The following HTR4 variants were observed in gnomAD, a reference collection of about 807,000 sequenced individuals.
HTR4 encodes the protein 5-hydroxytryptamine receptor 4.
HTR4 carries 16 observed loss-of-function variants against 36.8 expected under a neutral mutation model. The ratio of observed to expected loss-of-function variants is 0.43; its 90% CI spans 0.29 to 0.66. The LOEUF (loss-of-function observed/expected upper bound fraction) is 0.66. Among genes scored for constraint, HTR4 ranks in the 30% least tolerant of loss-of-function variants. The pLI is 0.13. For missense variants in HTR4, 438 were observed against 490.9 expected (o/e 0.89, Z 1.02); for synonymous variants, 189 against 185.1 (o/e 1.02, Z -0.17).
At chr5:148,456,733 G>A (rs1755110658) in intron 5 of HTR4, among the ~76,000 whole-genome samples, 1 of 152,226 alleles carries the variant, frequency 6.6e-6, no homozygotes, top group African/African-American at 2.4e-5. Flanking sequence ...TAAGAATACA[G>A]GTTCTTGAGG....
At chr5:148,529,534 C>T (rs1758450965) in intron 4 of HTR4, among the ~76,000 whole-genome samples, 1 of 152,188 alleles carries the variant, frequency 6.6e-6, no homozygotes, top group Non-Finnish European at 1.5e-5. Context: ...TGAGGCTTCC[C>T]CATCCACATT....
chr5:148,643,133 T>A (rs1753778523), intron 1 of HTR4, among the ~76,000 whole-genome samples: 1 of 152,202 alleles, frequency 6.6e-6, no homozygotes, highest in Non-Finnish European at 1.5e-5. Context: ...ATAATTGAAA[T>A]ACACCTATAC....
chr5:148,633,007 C>T (rs546051103), intron 2 of HTR4, among the ~76,000 whole-genome samples: 1 of 151,984 alleles, frequency 6.6e-6, no homozygotes, highest in South Asian at 2.1e-4. Flanking sequence ...TTTCTTCAAC[C>T]CTTCAAAAAA....
At chr5:148,483,790 A>G (rs1456011526) in intron 6 of HTR4, among the ~76,000 whole-genome samples, 1 of 152,132 alleles carries the variant, frequency 6.6e-6, no homozygotes, top group African/African-American at 2.4e-5. Context: ...GTTTATTTCT[A>G]TTAATGTAGT....
intron 6 of HTR4, among the ~76,000 whole-genome samples, chr5:148,496,794 A>T (rs1036343703): frequency 3.9e-5 from 6 of 152,248 alleles, no homozygotes; most frequent in African/African-American, 1.4e-4. Context: ...TCAGCTCCTG[A>T]TAAACCTTGT....
intron 2 of HTR4, among the ~76,000 whole-genome samples, chr5:148,556,825 A>T (rs1479009031): frequency 6.6e-6 from 1 of 152,182 alleles, no homozygotes; most frequent in Non-Finnish European, 1.5e-5. Flanking sequence ...TAAACATGAC[A>T]TTATGATAGA....
intron 2 of HTR4, among the ~76,000 whole-genome samples, chr5:148,564,885 G>A (rs1211640020): frequency 6.6e-6 from 1 of 152,118 alleles, no homozygotes; most frequent in Admixed American, 6.5e-5. Context: ...GCCGAGGTGG[G>A]TGGATCATAA....
At chr5:148,599,953 G>A (rs1265978560) in intron 2 of HTR4, among the ~76,000 whole-genome samples, 1 of 151,236 alleles carries the variant, frequency 6.6e-6, no homozygotes, top group Non-Finnish European at 1.5e-5. Flanking sequence ...ATCAATAAAG[G>A]AGAAAAAGCA....
rs771053396 is a variant in HTR4, at chr5:148,509,776, C to T, written c.756G>A (p.Arg252=). Residue 252 remains arginine (R), a synonymous_variant, in exon 6 of 7, where the codon AGG becomes AGA. Transcript: ENST00000377888. ...GGGTCTTGGCTGCTTTGGTCTCTGTCCTCATGCGATGAGTGCTATGCTGGT... is the reference window on the plus strand; with the variant it reads ...GGGTCTTGGCTGCTTTGGTCTCTGTTCTCATGCGATGAGTGCTATGCTGGT... ...SADQHSTHRM[R]TETKAAKTLC... is the part of the protein sequence containing the mutation. The T allele has an allele frequency of 2.5e-6, 4 of 1,614,024 alleles. No homozygotes were observed. Among genetic ancestry groups the T allele is most frequent in the Non-Finnish European group, 2.5e-6 (3 of 1,179,992 alleles).
intron 4 of HTR4, among the ~76,000 whole-genome samples, chr5:148,536,570 G>GA (rs925601374): frequency 6.6e-6 from 1 of 151,758 alleles, no homozygotes; most frequent in Non-Finnish European, 1.5e-5. Context: ...ATGGAAAACA[G>GA]AAAAAAACAG....
chr5:148,597,538 C>CAGTGTTCCAGCCATA (rs1761826640), intron 2 of HTR4, among the ~76,000 whole-genome samples: 1 of 152,132 alleles, frequency 6.6e-6, no homozygotes, highest in South Asian at 2.1e-4. Flanking sequence ...GTGCCCTTTA[C>CAGTGTTCCAGCCATA]TGTCTGTGTT....
chr5:148,539,709 A>G (rs1759011038), intron 4 of HTR4, among the ~76,000 whole-genome samples: 1 of 152,356 alleles, frequency 6.6e-6, no homozygotes, highest in African/African-American at 2.4e-5. Context: ...ATTATTGAAA[A>G]GTCAAAAAAT....
intron 2 of HTR4, among the ~76,000 whole-genome samples, chr5:148,591,069 C>A (rs548946699): frequency 1.1e-4 from 16 of 152,282 alleles, no homozygotes; most frequent in African/African-American, 3.6e-4. Flanking sequence ...ATTCCAGCAC[C>A]ATTTGTTGAA....
At chr5:148,585,556 T>C (rs914832297) in intron 2 of HTR4, among the ~76,000 whole-genome samples, 6 of 152,172 alleles carry the variant, frequency 3.9e-5, no homozygotes, top group African/African-American at 9.7e-5. Context: ...ATTTATCTTA[T>C]AGTGGGGGCA....
intron 2 of HTR4, among the ~76,000 whole-genome samples, chr5:148,585,908 A>G (rs566611769): frequency 3.9e-5 from 6 of 152,196 alleles, no homozygotes; most frequent in African/African-American, 1.4e-4. Flanking sequence ...AACATGTCAA[A>G]CTTGCTCCTT....
chr5:148,545,129 C>T (rs769614589), intron 4 of HTR4, among the ~76,000 whole-genome samples: 7 of 152,240 alleles, frequency 4.6e-5, no homozygotes, highest in Non-Finnish European at 1.5e-5. Context: ...GATGGACCCT[C>T]CAGCACTATG....
chr5:148,644,422 G>GTTGT (rs1753817238), intron 1 of HTR4, among the ~76,000 whole-genome samples: 1 of 40,584 alleles, frequency 2.5e-5, no homozygotes, highest in Non-Finnish European at 4.2e-5. Flanking sequence ...AAGCTCACAA[G>GTTGT]TTTTTTTTTT....
intron 6 of HTR4, among the ~76,000 whole-genome samples, chr5:148,492,913 C>T (rs1015287016): frequency 2.0e-5 from 3 of 152,148 alleles, no homozygotes; most frequent in Non-Finnish European, 4.4e-5. Flanking sequence ...TGGTCGCCTT[C>T]CACCAAGCCA....
rs770977208 is a variant in HTR4, at chr5:148,599,649, G to A, written c.26+37340C>T. The stretch of plus-strand genomic sequence containing the variant: ...AAGAGTTCTCTTTACGAAGAAAAAT[G>A]ATCCCAGAGAAAAACATGGGAATGC... On this transcript the variant is annotated intron_variant, in intron 2 of 6. Coordinates refer to ENST00000377888, the MANE Select transcript of HTR4 (RefSeq NM_000870.7). Among the ~76,000 whole-genome samples, 10 of 152,038 alleles carry A rather than the reference G, an allele frequency of 6.6e-5. No homozygotes were observed. In the Middle Eastern group the frequency reaches 0.01, roughly 155 times the overall value.
Sources: allele counts gnomAD v4.1 joint callset (sites outside exome capture counted in the v4.1 genomes callset), GRCh38; gene constraint gnomAD v4.1.1; transcripts MANE v1.5; gene names NCBI Gene and HGNC (gene_info 2026-07-23, HGNC 2026-07-21).